RARB: variants seen among roughly 807,000 people sequenced by gnomAD.
RARB encodes the protein retinoic acid receptor beta.
Under a neutral mutation model 51.9 loss-of-function variants are expected in RARB, and 17 were observed. That is an observed-to-expected ratio of 0.33 (90% CI 0.22 to 0.49). The LOEUF (loss-of-function observed/expected upper bound fraction) is 0.49, where lower values mean the gene tolerates loss of function less well. RARB is among the 20% of genes least tolerant of loss of function. The probability of loss-of-function intolerance (pLI) is 0.99; values close to 1 mark genes in which losing one functional copy is unlikely to be tolerated. For missense variants in RARB, 369 were observed against 550.8 expected (o/e 0.67, Z 3.30); for synonymous variants, 215 against 195.4 (o/e 1.10, Z -0.84).
At chr3:25,013,926 C>T (rs887477163) in intron 2 of RARB, among the ~76,000 whole-genome samples, 1 of 152,156 alleles carries the variant, frequency 6.6e-6, no homozygotes, top group East Asian at 1.9e-4. Flanking sequence ...TGAAAAGTGT[C>T]GGATAGTATT....
At chr3:24,887,223 C>T (rs76016872) in intron 2 of RARB, among the ~76,000 whole-genome samples, 1 of 152,244 alleles carries the variant, frequency 6.6e-6, no homozygotes, top group Non-Finnish European at 1.5e-5. Context: ...ATGAAGAAAA[C>T]TTTCAAGGCG....
intron 5 of RARB, among the ~76,000 whole-genome samples, chr3:25,222,669 G>T (rs1410781600): frequency 6.6e-6 from 1 of 152,180 alleles, no homozygotes; most frequent in Admixed American, 6.5e-5. Flanking sequence ...ACACTATTCT[G>T]TTTAGAAACT....
chr3:25,122,031 G>A (rs1699792647), intron 3 of RARB, among the ~76,000 whole-genome samples: 1 of 152,122 alleles, frequency 6.6e-6, no homozygotes, highest in African/African-American at 2.4e-5. Context: ...TTCTTTGAAA[G>A]TCATTCAAAA....
chr3:25,581,477 T>G (rs1395901737), intron 5 of RARB, among the ~76,000 whole-genome samples: 2 of 151,894 alleles, frequency 1.3e-5, no homozygotes, highest in Non-Finnish European at 2.9e-5. Context: ...GAAGACAAAG[T>G]GTGCTGACCC....
At chr3:25,428,031 T>C (rs998149985), upstream of RARB, among the ~76,000 whole-genome samples, 1 of 152,106 alleles carries the variant, frequency 6.6e-6, no homozygotes, top group Non-Finnish European at 1.5e-5. Context: ...TTAAAAGCAC[T>C]TCTTGTATTG....
intron 2 of RARB, among the ~76,000 whole-genome samples, chr3:24,974,474 T>C (rs1696467570): frequency 6.6e-6 from 1 of 152,076 alleles, no homozygotes; most frequent in Non-Finnish European, 1.5e-5. Context: ...ATTGTCTTTC[T>C]TGGTTCCGAT....
chr3:25,391,445 C>A (rs1479676232), intron 5 of RARB, among the ~76,000 whole-genome samples: 1 of 152,082 alleles, frequency 6.6e-6, no homozygotes, highest in African/African-American at 2.4e-5. Context: ...AATAGATCTA[C>A]TTTTAGTTCT....
chr3:25,136,757 G>C (rs867740705), intron 4 of RARB, among the ~76,000 whole-genome samples: 1 of 151,998 alleles, frequency 6.6e-6, no homozygotes, highest in African/African-American at 2.4e-5. Flanking sequence ...AAGGATGGGG[G>C]GAGAGTTTGG....
intron 5 of RARB, among the ~76,000 whole-genome samples, chr3:25,261,846 T>C (rs1252041729): frequency 3.3e-5 from 5 of 152,168 alleles, no homozygotes; most frequent in Non-Finnish European, 5.9e-5. Context: ...TATGGGGCAC[T>C]ATTCCCAAAA....
chr3:25,441,119 A>G (rs190684579), intron 1 of RARB: 70 of 156,548 alleles, frequency 4.5e-4, no homozygotes, highest in Admixed American at 9.1e-4. Flanking sequence ...AATGTTTCCC[A>G]TCATAGTGGA....
intron 4 of RARB, among the ~76,000 whole-genome samples, chr3:25,143,705 G>A (rs926878384): frequency 2.0e-5 from 3 of 152,206 alleles, no homozygotes; most frequent in Non-Finnish European, 4.4e-5. Flanking sequence ...TAACTCAGTG[G>A]ATGAGTATGC....
chr3:25,235,142 C>T (rs1362272863), intron 5 of RARB, among the ~76,000 whole-genome samples: 1 of 152,136 alleles, frequency 6.6e-6, no homozygotes, highest in Admixed American at 6.5e-5. Flanking sequence ...AACCAGAAAA[C>T]TTAGTGGTTC....
chr3:24,947,592 G>A (rs113393224), intron 2 of RARB, among the ~76,000 whole-genome samples: 1 of 152,162 alleles, frequency 6.6e-6, no homozygotes, highest in Non-Finnish European at 1.5e-5. Context: ...GCAGCTGCAA[G>A]GAAGGCTCGC....
chr3:25,347,760 G>A (rs957123954), intron 5 of RARB, among the ~76,000 whole-genome samples: 2 of 152,180 alleles, frequency 1.3e-5, no homozygotes, highest in African/African-American at 4.8e-5. Context: ...GTGACAGGCG[G>A]AAGAGTGAAT....
chr3:24,865,435 A>G (rs1178351210), intron 2 of RARB, among the ~76,000 whole-genome samples: 1 of 152,134 alleles, frequency 6.6e-6, no homozygotes, highest in Non-Finnish European at 1.5e-5. Context: ...CACAATACCC[A>G]GTGTAGTAGA....
intron 3 of RARB, among the ~76,000 whole-genome samples, chr3:25,569,257 C>T (rs1700618387): frequency 6.6e-6 from 1 of 152,228 alleles, no homozygotes; most frequent in African/African-American, 2.4e-5. Flanking sequence ...CTTATCTCCT[C>T]TCAGATGAGT....
chr3:25,212,401 C>A (rs1319897838), intron 5 of RARB, among the ~76,000 whole-genome samples: 1 of 152,172 alleles, frequency 6.6e-6, no homozygotes, highest in Admixed American at 6.5e-5. Flanking sequence ...GGGCAGATCA[C>A]AAGGTCAGGA....
At chr3:25,407,344 G>C (rs1473824219) in intron 5 of RARB, among the ~76,000 whole-genome samples, 1 of 152,136 alleles carries the variant, frequency 6.6e-6, no homozygotes, top group Admixed American at 6.5e-5. Context: ...TGGGATTTGG[G>C]ACAATGTAAC....
At chr3:24,957,475 A>C (rs1307757376) in intron 2 of RARB, among the ~76,000 whole-genome samples, 1 of 152,200 alleles carries the variant, frequency 6.6e-6, no homozygotes, top group East Asian at 1.9e-4. Flanking sequence ...AGTTTGCTTT[A>C]CTGTTCTTTT....
Sources: gnomAD v4.1 joint callset for allele counts (sites outside exome capture counted in the v4.1 genomes callset) on GRCh38, gnomAD v4.1.1 for gene constraint, MANE v1.5 for transcripts, NCBI Gene and HGNC (gene_info 2026-07-23, HGNC 2026-07-21) for gene names.